Variants in PCDHGA8 observed in about 807,000 individuals in gnomAD.
PCDHGA8 encodes the protein protocadherin gamma subfamily A, 8, also known as protocadherin gamma-A8.
Under a neutral mutation model 59.2 loss-of-function variants are expected in PCDHGA8, and 45 were observed. The observed-to-expected ratio is 0.76, with a 90% CI of 0.60 to 0.98. The LOEUF (loss-of-function observed/expected upper bound fraction) is 0.98, where lower values mean the gene tolerates loss of function less well. PCDHGA8 is among the 50% of genes least tolerant of loss of function. The pLI, the probability that PCDHGA8 is intolerant of heterozygous loss-of-function variation, is 0.00. For synonymous variants in PCDHGA8, 531 were observed against 519.0 expected, an observed-to-expected ratio of 1.02 and a Z score of -0.32; for missense variants, 1,257 against 1,196.2, an observed-to-expected ratio of 1.05 and a Z score of -0.75.
chr5:141,433,547 C>G (rs2097621028), intron 1 of PCDHGA8, among the ~76,000 whole-genome samples: 1 of 152,086 alleles, frequency 6.6e-6, no homozygotes, highest in South Asian at 2.1e-4. Context: ...ATCAGATATT[C>G]TTTTCTGGCT....
At position 141,431,262 on chromosome 5, in the gene PCDHGA8, A is replaced by G. The variant is rs371663018; in HGVS notation, c.2424+36025A>G. The stretch of plus-strand genomic sequence containing the variant: ...CCGGATATCGGGAAGAACTCTCTGC[A>G]GAGCTACGAGCTCAGCCCGAACACT... On this transcript the variant is annotated intron_variant, in intron 1 of 3. Coordinates refer to ENST00000398604, the MANE Select transcript of PCDHGA8 (RefSeq NM_032088.2). The surrounding 1 kb of genome is among the most constrained non-coding windows in gnomAD (Gnocchi z 4.8). The G allele has an allele frequency of 2.6e-5, 42 of 1,614,184 alleles. No homozygotes were observed. In the African/African-American group the frequency reaches 2.7e-4, roughly 10 times the overall value.
At chr5:141,415,473 C>T in intron 1 of PCDHGA8, 2 of 1,614,224 alleles carry the variant, frequency 1.2e-6, no homozygotes, top group Non-Finnish European at 1.7e-6. Flanking sequence ...TCACCGCGGA[C>T]TCGCGAAAGA....
rs2099411033 is a variant in PCDHGA8, at chr5:141,477,423, C to T, written c.2425-17384C>T. ...ACCGCCCGAGACGCCGGAACCCCTT[C>T]CCTCTCAGCCCTTACAATAGTGCGT... On this transcript the variant is annotated intron_variant, in intron 1 of 3. Coordinates refer to ENST00000398604, the MANE Select transcript of PCDHGA8 (RefSeq NM_032088.2). This position sits in a 1 kb window ranked among gnomAD's most constrained non-coding sequence, Gnocchi z 4.9. 1.9e-6 allele frequency: 3 copies of T among 1,614,196 alleles called. No individual in the cohort carries two copies. The highest frequency in any genetic ancestry group is 2.2e-5 in the East Asian group (1 of 44,882).
chr5:141,414,173 C>A, intron 1 of PCDHGA8: 1 of 1,606,526 alleles, frequency 6.2e-7, no homozygotes. Context: ...GCATATCTTG[C>A]AACTGCAAAA....
At position 141,509,907 on chromosome 5, in the gene PCDHGA8, C is replaced by G. The variant is rs149338646; in HGVS notation, c.2573-1040C>G. Among the ~76,000 whole-genome samples, 567 of 152,300 alleles carry G rather than the reference C, an allele frequency of 3.7e-3. 5 individuals carry two copies. Among genetic ancestry groups the G allele is most frequent in the Admixed American group, 0.011 (163 of 15,296 alleles). ...GTGACTGACTGTCCCTTCCAGCATGCGCTTAGGTACACTTGGGCCTGAATG... is the reference window on the plus strand; with the variant it reads ...GTGACTGACTGTCCCTTCCAGCATGGGCTTAGGTACACTTGGGCCTGAATG... On this transcript the variant is annotated intron_variant, in intron 3 of 3. Coordinates refer to ENST00000398604, the MANE Select transcript of PCDHGA8 (RefSeq NM_032088.2).
rs2098098668 is a variant in PCDHGA8, at chr5:141,439,210, T to C, written c.2424+43973T>C. Among the ~76,000 whole-genome samples the C allele has an allele frequency of 4.0e-5, 6 of 150,296 alleles. No homozygotes were observed. The Middle Eastern group carries it at 0.014, about 343-fold the overall frequency. On this transcript the variant is annotated intron_variant, in intron 1 of 3. Transcript: ENST00000398604. The stretch of plus-strand genomic sequence containing the variant: ...TCTGACAAAAAAAAAAAAAAATCCA[T>C]ATGTGAAAATTCTTAGAAGCTTCCT...
intron 1 of PCDHGA8, chr5:141,405,551 A>G: frequency 1.6e-6 from 1 of 623,672 alleles, no homozygotes; most frequent in Non-Finnish European, 2.8e-6. Context: ...TCCCAAGTAG[A>G]GTAGCTGGGA....
At chr5:141,409,952 C>T (rs892751686) in intron 1 of PCDHGA8, 2 of 1,613,232 alleles carry the variant, frequency 1.2e-6, no homozygotes, top group Non-Finnish European at 1.7e-6. Context: ...CTCTGCAGAG[C>T]CCGGCTACCT....
intron 1 of PCDHGA8, chr5:141,414,805 C>T (rs1464881022): frequency 1.2e-6 from 2 of 1,614,224 alleles, no homozygotes; most frequent in Middle Eastern, 1.6e-4. Flanking sequence ...CAGCGGGGAT[C>T]CTCCACTCAG....
In PCDHGA8 at chr5:141,489,180, CTGGGTCTACCT is replaced by C. The variant is rs906371381; in HGVS notation, c.2425-5623_2425-5613del. 6.3e-5 allele frequency: 79 copies of C among 1,259,748 alleles called. No individual in the cohort carries two copies. The African/African-American group carries it at 9.3e-4, about 15-fold the overall frequency. 78.0% of individuals were successfully genotyped at this position (1,259,748 alleles called of 1,614,324 possible). ...GACTTCAGCTGCTGCATTCCAAGCCCTGGGTCTACCTTGGAGACAGGACAGCACAGACTTAC... is the reference window on the plus strand; with the variant it reads ...GACTTCAGCTGCTGCATTCCAAGCCCTGGAGACAGGACAGCACAGACTTAC... On this transcript the variant is annotated intron_variant, in intron 1 of 3. Coordinates refer to ENST00000398604, the MANE Select transcript of PCDHGA8 (RefSeq NM_032088.2). This position sits in a 1 kb window ranked among gnomAD's most constrained non-coding sequence, Gnocchi z 4.5.
At position 141,485,314 on chromosome 5, in the gene PCDHGA8, T is replaced by A. The variant is rs1292296791; in HGVS notation, c.2425-9493T>A. The A allele has an allele frequency of 1.2e-6, 2 of 1,614,150 alleles. No homozygotes were observed. The highest frequency in any genetic ancestry group is 1.7e-6 in the Non-Finnish European group (2 of 1,180,032). ...CACAGGAAGGGACTTTTGTAGGGAA[T>A]GTCGCTCAAGATTTCCTGCTGGATA... On this transcript the variant is annotated intron_variant, in intron 1 of 3. Coordinates refer to ENST00000398604, the MANE Select transcript of PCDHGA8 (RefSeq NM_032088.2). This position sits in a 1 kb window ranked among gnomAD's most constrained non-coding sequence, Gnocchi z 5.7.
At chr5:141,399,732 G>C (rs1270192367) in intron 1 of PCDHGA8, 27 of 1,613,174 alleles carry the variant, frequency 1.7e-5, no homozygotes, top group Non-Finnish European at 2.0e-5. Context: ...ACCAGGGCTC[G>C]CCTGCGCTCA....
rs759809060 is a variant in PCDHGA8, at chr5:141,476,317, G to A, written c.2425-18490G>A. 1.2e-6 allele frequency: 2 copies of A among 1,614,170 alleles called. No individual in the cohort carries two copies. Among genetic ancestry groups the A allele is most frequent in the South Asian group, 2.2e-5 (2 of 91,078 alleles). On this transcript the variant is annotated intron_variant, in intron 1 of 3. Coordinates refer to ENST00000398604, the MANE Select transcript of PCDHGA8 (RefSeq NM_032088.2). This position sits in a 1 kb window ranked among gnomAD's most constrained non-coding sequence, Gnocchi z 7.6. Reference sequence around the variant, plus strand: ...GTAGCCTCTCAGCCCGCAGGTTCCGGGTGGTGTCTGGAGCTAGCCGAAGAT... The same window carrying A: ...GTAGCCTCTCAGCCCGCAGGTTCCGAGTGGTGTCTGGAGCTAGCCGAAGAT...
At chr5:141,414,788 C>T in intron 1 of PCDHGA8, 1 of 1,614,222 alleles carries the variant, frequency 6.2e-7, no homozygotes, top group Non-Finnish European at 8.5e-7. Flanking sequence ...CAGGTGACAG[C>T]CAGCGACAGC....
intron 1 of PCDHGA8, chr5:141,422,008 C>T (rs767148055): frequency 1.2e-5 from 20 of 1,609,502 alleles, no homozygotes; most frequent in Admixed American, 5.1e-5. Context: ...CTCCGGAACT[C>T]GGGTGCTGAT....
At chr5:141,470,469 A>T (rs1423801455) in intron 1 of PCDHGA8, among the ~76,000 whole-genome samples, 1 of 152,194 alleles carries the variant, frequency 6.6e-6, no homozygotes, top group Non-Finnish European at 1.5e-5. Context: ...ATTTTCTGAT[A>T]TTACTAACCC....
Position 141,511,628 on chromosome 5 carries a change from G to C in PCDHGA8, c.*455G>C, listed in dbSNP as rs4912608. 0.2 allele frequency: 46,780 copies of C among 231,598 alleles called. 5,185 individuals are homozygous for C. The highest frequency in any genetic ancestry group is 0.32 in the Admixed American group (6,204 of 19,590). The allele number at this position is 231,598 out of a possible 1,614,324, so 14.3% of individuals were successfully genotyped here. A position where few individuals can be genotyped will look rare whatever the true frequency, so the allele number is the denominator to read the frequency against. On this transcript the variant is annotated 3_prime_UTR_variant, in exon 4 of 4. Transcript: ENST00000398604. ...CAAGCCTCCTAGTTCTGAAAAGTTG[G>C]AAGGGCATCATGACCTCTTGGCCTC...
intron 1 of PCDHGA8, among the ~76,000 whole-genome samples, chr5:141,460,407 TTG>T: frequency 6.6e-6 from 1 of 152,188 alleles, no homozygotes; most frequent in Non-Finnish European, 1.5e-5. Flanking sequence ...TCCTTTTGAG[TTG>T]ATGTTTATGT....
In PCDHGA8 at chr5:141,392,766, C is replaced by T. The variant is rs1196100164; in HGVS notation, c.-48C>T. On this transcript the variant is annotated 5_prime_UTR_variant, in exon 1 of 4. Transcript: ENST00000398604. ...CTGCGGCAAGAAACTAAATAAGACC[C>T]ATTTATGCACAGTGAAGATTCTGAG... 1 of 1,488,966 alleles carries T rather than the reference C, an allele frequency of 6.7e-7. No homozygotes were observed. The allele number at this position is 1,488,966 out of a possible 1,614,324, so 92.2% of individuals were successfully genotyped here.
Sources: gnomAD v4.1 joint callset for allele counts (sites outside exome capture counted in the v4.1 genomes callset) on GRCh38, gnomAD v4.1.1 for gene constraint, Gnocchi (gnomAD v3.1) non-coding constraint, MANE v1.5 for transcripts, NCBI Gene and HGNC (gene_info 2026-07-23, HGNC 2026-07-21) for gene names.